The following PLXNC1 variants were observed in gnomAD, a reference collection of about 807,000 sequenced individuals.
PLXNC1 encodes plexin C1.
Under a neutral mutation model 178.2 loss-of-function variants are expected in PLXNC1, and 75 were observed. The observed-to-expected ratio is 0.42, with a 90% CI of 0.35 to 0.51. The LOEUF is 0.51. Ranked by LOEUF, PLXNC1 falls within the 20% of genes least tolerant of loss-of-function variation. The pLI is 0.02. For synonymous variants in PLXNC1, 790 were observed against 779.9 expected (o/e 1.01, Z -0.22); for missense variants, 1,503 against 1,984.4 (o/e 0.76, Z 4.61).
chr12:94,159,919 C>A (rs1367295035), intron 1 of PLXNC1, among the ~76,000 whole-genome samples: 1 of 151,662 alleles, frequency 6.6e-6, no homozygotes. Context: ...CGTTGAAGAG[C>A]TGAACTGAGG....
chr12:94,162,579 A>G (rs1961423335), intron 1 of PLXNC1, among the ~76,000 whole-genome samples: 2 of 152,166 alleles, frequency 1.3e-5, no homozygotes, highest in Non-Finnish European at 2.9e-5. Context: ...TAAAAGGGAG[A>G]CACCAAGAGA....
In PLXNC1 at chr12:94,260,921, A is replaced by G; in HGVS notation, c.3450+81A>G. 3 of 1,197,188 alleles carry G rather than the reference A, an allele frequency of 2.5e-6. No homozygotes were observed. The highest frequency in any genetic ancestry group is 2.6e-5 in the South Asian group (2 of 78,240). The allele number at this position is 1,197,188 out of a possible 1,614,324, so 74.2% of individuals were successfully genotyped here. On this transcript the variant is annotated intron_variant, in intron 20 of 30. Transcript: ENST00000258526. This position sits in a 1 kb window ranked among gnomAD's most constrained non-coding sequence, Gnocchi z 4.4. The stretch of plus-strand genomic sequence containing the variant: ...AGCGGACTCTGATGCCTTTGCCAGG[A>G]TAAATCCTGAATGCTCGATGGTGTC...
At chr12:94,158,930 G>A (rs183009761) in intron 1 of PLXNC1, among the ~76,000 whole-genome samples, 15 of 152,242 alleles carry the variant, frequency 9.9e-5, no homozygotes, top group Non-Finnish European at 2.2e-4. Context: ...TCTAGAGCAG[G>A]GTGTGAAAAC....
chr12:94,278,017 G>T (rs1443121086), intron 21 of PLXNC1: 2 of 455,944 alleles, frequency 4.4e-6, no homozygotes, highest in African/African-American at 4.0e-5. Flanking sequence ...CCTGGCTAGT[G>T]TCCACAGTAC....
intron 23 of PLXNC1, among the ~76,000 whole-genome samples, chr12:94,285,367 G>GCTT (rs1966774320): frequency 6.6e-6 from 1 of 152,212 alleles, no homozygotes; most frequent in Non-Finnish European, 1.5e-5. Context: ...CCATCCTTGG[G>GCTT]CTTTTTGGCT....
chr12:94,157,408 C>T (rs79012805), intron 1 of PLXNC1, among the ~76,000 whole-genome samples: 7,681 of 152,270 alleles, frequency 0.05, 235 homozygotes, highest in Middle Eastern at 0.068. Context: ...ACCCCAAAGT[C>T]GACTTGGGAA....
intron 15 of PLXNC1, among the ~76,000 whole-genome samples, chr12:94,251,925 G>A (rs1446979494): frequency 2.0e-5 from 3 of 151,322 alleles, no homozygotes; most frequent in African/African-American, 4.9e-5. Flanking sequence ...CCCGGGAGGC[G>A]GAGGTTGCAG....
rs1964440035 is a variant in PLXNC1 at position 94,243,254 on chromosome 12, T to C, written c.2301-684T>C. Among the ~76,000 whole-genome samples the C allele has an allele frequency of 2.0e-5, 3 of 152,166 alleles. No homozygotes were observed. In the South Asian group the frequency reaches 6.2e-4, roughly 32 times the overall value. On this transcript the variant is annotated intron_variant, in intron 11 of 30. Coordinates refer to ENST00000258526, the MANE Select transcript of PLXNC1 (RefSeq NM_005761.3). Reference sequence around the variant, plus strand: ...TGGACCTGACGTACCCAGGCTCTTGTCCCCTAGAATGAGTGTCTGGTGACC... The same window carrying C: ...TGGACCTGACGTACCCAGGCTCTTGCCCCCTAGAATGAGTGTCTGGTGACC...
intron 20 of PLXNC1, among the ~76,000 whole-genome samples, chr12:94,263,846 C>T (rs1049430811): frequency 4.0e-5 from 6 of 151,854 alleles, no homozygotes; most frequent in Admixed American, 6.6e-5. Context: ...AGAGGAAGCC[C>T]GGGGACTGGG....
chr12:94,274,789 G>T (rs934894654), intron 21 of PLXNC1, among the ~76,000 whole-genome samples: 31 of 152,158 alleles, frequency 2.0e-4, no homozygotes, highest in Admixed American at 1.1e-3. Flanking sequence ...TCTTCTTGCT[G>T]GCTGACCTTG....
chr12:94,269,606 C>T (rs529349602), intron 21 of PLXNC1, among the ~76,000 whole-genome samples: 101 of 152,294 alleles, frequency 6.6e-4, no homozygotes, highest in African/African-American at 2.2e-3. Context: ...CCCACTGTCC[C>T]GATTAAGTCA....
chr12:94,286,301 C>T (rs1022285340), intron 23 of PLXNC1, among the ~76,000 whole-genome samples: 5 of 152,070 alleles, frequency 3.3e-5, no homozygotes, highest in African/African-American at 4.8e-5. Flanking sequence ...CTGAAGGAAA[C>T]GGGAGGTCAT....
rs1960858788 is a variant in PLXNC1, at chr12:94,149,416, A to G, written c.445A>G (p.Asn149Asp). Residue 149 changes from asparagine to aspartate, a missense_variant, in exon 1 of 31, where the codon AAC becomes GAC. Asn to Asp is a conservative substitution (Grantham distance 23). This residue lies in a region of PLXNC1 where 73 missense variants were observed against 125.4 expected (regional missense o/e 0.58). Coordinates refer to ENST00000258526, the MANE Select transcript of PLXNC1 (RefSeq NM_005761.3). Reference sequence around the variant, plus strand: ...CAACCTGAGCCGCAACTCCCTGCGCAACGGCACCGAGGTGGTGTCGTGCCA... The same window carrying G: ...CAACCTGAGCCGCAACTCCCTGCGCGACGGCACCGAGGTGGTGTCGTGCCA... ...LGNLSRNSLR[N>D]GTEVVSCHPQ... 1.4e-6 allele frequency: 2 copies of G among 1,438,424 alleles called. No homozygotes were observed. Among genetic ancestry groups the G allele is most frequent in the South Asian group, 1.5e-5 (1 of 68,240 alleles). The allele number at this position is 1,438,424 out of a possible 1,614,324, so 89.1% of individuals were successfully genotyped here.
Position 94,227,010 on chromosome 12 carries a change from T to C in PLXNC1, c.1894-139T>C, listed in dbSNP as rs112658091. ...TGCACTCCCAGCCTGGGTGACAGAG[T>C]GAGACTCCGTCTCAAAAAAAAAAGG... On this transcript the variant is annotated intron_variant, in intron 8 of 30. Coordinates refer to ENST00000258526, the MANE Select transcript of PLXNC1 (RefSeq NM_005761.3). The C allele has an allele frequency of 2.3e-3, 1,466 of 647,288 alleles. 21 individuals carry two copies. In the African/African-American group the frequency reaches 0.024, roughly 11 times the overall value. The allele number at this position is 647,288 out of a possible 1,614,324, so 40.1% of individuals were successfully genotyped here.
At chr12:94,259,027 A>G (rs1964927303) in intron 17 of PLXNC1, among the ~76,000 whole-genome samples, 1 of 152,216 alleles carries the variant, frequency 6.6e-6, no homozygotes, top group Non-Finnish European at 1.5e-5. Flanking sequence ...AATCTTCATC[A>G]ATGACCCCTT....
rs117833598 is a variant in PLXNC1, at chr12:94,277,644, C to A, written c.3598-1828C>A. The A allele has an allele frequency of 6.7e-5, 21 of 312,084 alleles. No homozygotes were observed. In the East Asian group the frequency reaches 1.9e-3, roughly 29 times the overall value. 19.3% of individuals were successfully genotyped at this position (312,084 alleles called of 1,614,324 possible). A position where few individuals can be genotyped will look rare whatever the true frequency, so the allele number is the denominator to read the frequency against. ...GGAGTCTACTGGCTTCCACTGGGTT[C>A]ATTGCTGGCAGCCTCCTCCTTATTC... is the stretch of plus-strand genomic sequence containing the variant. On this transcript the variant is annotated intron_variant, in intron 21 of 30. Transcript: ENST00000258526.
intron 3 of PLXNC1, among the ~76,000 whole-genome samples, chr12:94,185,711 T>C (rs1041748061): frequency 6.6e-6 from 1 of 152,224 alleles, no homozygotes; most frequent in Non-Finnish European, 1.5e-5. Context: ...GCGCTGCCCC[T>C]GGCAGGGGTG....
intron 5 of PLXNC1, among the ~76,000 whole-genome samples, chr12:94,217,351 G>A (rs1471043773): frequency 6.6e-6 from 1 of 151,810 alleles, no homozygotes; most frequent in African/African-American, 2.4e-5. Flanking sequence ...GCCCAGTTTT[G>A]GCTCTTCCTC....
chr12:94,226,916 G>A (rs1250537781), intron 8 of PLXNC1, among the ~76,000 whole-genome samples: 1 of 152,114 alleles, frequency 6.6e-6, no homozygotes, highest in Non-Finnish European at 1.5e-5. Context: ...CCAGCTACTC[G>A]GGAGGCTGAG....
Sources: allele counts gnomAD v4.1 joint callset (sites outside exome capture counted in the v4.1 genomes callset), GRCh38; gene constraint gnomAD v4.1.1; regional missense constraint gnomAD v4.1.1; non-coding constraint Gnocchi (gnomAD v3.1); transcripts MANE v1.5; gene names NCBI Gene and HGNC (gene_info 2026-07-23, HGNC 2026-07-21).